Variants in ZC3HAV1 observed in about 807,000 individuals in gnomAD.
ZC3HAV1 encodes zinc finger CCCH-type antiviral protein 1.
A neutral mutation model predicts 86.6 loss-of-function variants in ZC3HAV1; 41 were observed. The ratio of observed to expected loss-of-function variants is 0.47; its 90% CI spans 0.37 to 0.61. ZC3HAV1 has a LOEUF of 0.61. ZC3HAV1 is among the 20% of genes least tolerant of loss of function. The pLI is 0.00. For missense variants in ZC3HAV1, 964 were observed against 1,141.1 expected, an observed-to-expected ratio of 0.84 and a Z score of 2.24; for synonymous variants, 421 against 432.1, an observed-to-expected ratio of 0.97 and a Z score of 0.32.
chr7:139,064,364 G>A (rs1001310397), intron 8 of ZC3HAV1, among the ~76,000 whole-genome samples: 1 of 152,234 alleles, frequency 6.6e-6, no homozygotes, highest in Non-Finnish European at 1.5e-5. Context: ...CAGCTCACCA[G>A]AAGACCTTTC....
At chr7:139,103,531 A>G (rs1817839560) in intron 1 of ZC3HAV1, among the ~76,000 whole-genome samples, 1 of 152,268 alleles carries the variant, frequency 6.6e-6, no homozygotes, top group South Asian at 2.1e-4. Context: ...ACTCAGACAT[A>G]TAAGTATAAA....
At position 139,108,985 on chromosome 7, in the gene ZC3HAV1, A is replaced by T; in HGVS notation, c.308+39T>A. ...CCCGCCTGGACAGTCCACCCCGACC[A>T]CGGCTGCGGACAGCGCCCCTCCCTC... is the stretch of plus-strand genomic sequence containing the variant. On this transcript the variant is annotated intron_variant, in intron 1 of 12. Coordinates refer to ENST00000242351, the MANE Select transcript of ZC3HAV1 (RefSeq NM_020119.4). This position sits in a 1 kb window ranked among gnomAD's most constrained non-coding sequence, Gnocchi z 4.2. The T allele has an allele frequency of 6.6e-7, 1 of 1,505,092 alleles. No individual in the cohort carries two copies. The highest frequency in any genetic ancestry group is 8.9e-7 in the Non-Finnish European group (1 of 1,117,448). 93.2% of individuals were successfully genotyped at this position (1,505,092 alleles called of 1,614,324 possible).
In ZC3HAV1 at chr7:139,108,396, G is replaced by A. The variant is rs1436607494; in HGVS notation, c.308+628C>T. 2.0e-5 allele frequency among the ~76,000 whole-genome samples: 3 copies of A among 152,126 alleles called. No individual in the cohort carries two copies. Among genetic ancestry groups the A allele is most frequent in the African/African-American group, 7.2e-5 (3 of 41,424 alleles). ...TCAACTGCGCGCGCCACCGTAGAGA[G>A]ACCACCCGGAGGGAAGGCCCGCGGC... On this transcript the variant is annotated intron_variant, in intron 1 of 12. Coordinates refer to ENST00000242351, the MANE Select transcript of ZC3HAV1 (RefSeq NM_020119.4). The surrounding 1 kb of genome is among the most constrained non-coding windows in gnomAD (Gnocchi z 4.2).
Position 139,079,638 on chromosome 7 carries a change from C to T in ZC3HAV1, c.1303G>A (p.Val435Met). Residue 435 changes from valine (V) to methionine (M), a missense_variant, in exon 4 of 13, where the codon GTG (valine) becomes ATG (methionine). Val to Met is a conservative substitution (Grantham distance 21). Transcript: ENST00000242351. The stretch of plus-strand genomic sequence containing the variant: ...CTGGTAGAAGTTATATCTGTGGCCA[C>T]TCCATCAGCATTATTATTAAAAAGA... ...GPLFNNNADG[V>M]ATDITSTRSL... The T allele has an allele frequency of 6.2e-7, 1 of 1,614,174 alleles. No homozygotes were observed. The highest frequency in any genetic ancestry group is 8.5e-7 in the Non-Finnish European group (1 of 1,180,046).
intron 8 of ZC3HAV1, among the ~76,000 whole-genome samples, chr7:139,063,715 C>A (rs528941022): frequency 9.2e-5 from 13 of 140,648 alleles, no homozygotes; most frequent in African/African-American, 3.5e-4. Context: ...TGGCGTGGGA[C>A]CCTGTCTCAA....
chr7:139,101,845 C>T (rs140780023), intron 1 of ZC3HAV1, among the ~76,000 whole-genome samples: 3 of 151,824 alleles, frequency 2.0e-5, no homozygotes, highest in African/African-American at 7.3e-5. Context: ...TCCCTAATCT[C>T]AAGTACCCAG....
chr7:139,097,428 A>ATATATATATATATTTTTTTTT, intron 1 of ZC3HAV1, among the ~76,000 whole-genome samples: 1 of 48,160 alleles, frequency 2.1e-5, no homozygotes, highest in Non-Finnish European at 3.3e-5. Context: ...ATATATATAT[A>ATATATATATATATTTTTTTTT]TTTTTTTTTT....
At chr7:139,068,037 T>C (rs1207203192) in intron 7 of ZC3HAV1, among the ~76,000 whole-genome samples, 1 of 83,888 alleles carries the variant, frequency 1.2e-5, no homozygotes, top group East Asian at 5.8e-4. Flanking sequence ...ATTATTATTA[T>C]TATTATTATT....
chr7:139,102,120 TA>T (rs1165674265), intron 1 of ZC3HAV1, among the ~76,000 whole-genome samples: 4 of 152,170 alleles, frequency 2.6e-5, no homozygotes, highest in Non-Finnish European at 5.9e-5. Context: ...AGCAAATACT[TA>T]AAACAATATC....
chr7:139,051,174 CA>C (rs1245288692), intron 12 of ZC3HAV1, among the ~76,000 whole-genome samples: 1 of 151,840 alleles, frequency 6.6e-6, no homozygotes, highest in Admixed American at 6.6e-5. Context: ...TATCCTGCCT[CA>C]GCCTCCCAAG....
Position 139,055,245 on chromosome 7 carries a change from G to A in ZC3HAV1, c.2147C>T (p.Pro716Leu), listed in dbSNP as rs771785741. The A allele has an allele frequency of 5.1e-5, 83 of 1,613,166 alleles. No individual in the cohort carries two copies. Among genetic ancestry groups the A allele is most frequent in the Non-Finnish European group, 6.9e-5 (81 of 1,179,554 alleles). Residue 716 changes from proline (P) to leucine (L), a missense_variant, in exon 10 of 13, where the codon CCT becomes CTT. Transcript: ENST00000242351. ...GGATAGGAAGCAAAAGTCCTCCTGA[G>A]GACGAAAGGTCGCAGTTAAAGACAC... Reference protein sequence around the residue: ...SSVSLTATFRPQEDFCFLSSK... With the variant: ...SSVSLTATFRLQEDFCFLSSK...
chr7:139,071,185 C>T (rs1486513778), intron 7 of ZC3HAV1, among the ~76,000 whole-genome samples: 1 of 151,504 alleles, frequency 6.6e-6, no homozygotes, highest in African/African-American at 2.4e-5. Flanking sequence ...CAACCCCTAC[C>T]TCCTTGGTTC....
At chr7:139,096,093 C>A (rs1409208424) in intron 1 of ZC3HAV1, among the ~76,000 whole-genome samples, 1 of 152,146 alleles carries the variant, frequency 6.6e-6, no homozygotes, top group African/African-American at 2.4e-5. Flanking sequence ...CAGCTCACCG[C>A]AACCTCCGCC....
intron 1 of ZC3HAV1, among the ~76,000 whole-genome samples, chr7:139,097,422 A>ATTTTTTTTTTTTTTTTTTTTTTTTT (rs1563140647): frequency 2.5e-5 from 2 of 79,522 alleles, no homozygotes; most frequent in Non-Finnish European, 4.3e-5. Flanking sequence ...ATATATATAT[A>ATTTTTTTTTTTTTTTTTTTTTTTTT]TATATATTTT....
intron 2 of ZC3HAV1, 26 bp from the exon 3 acceptor site, chr7:139,084,058 G>A (rs1207191869): frequency 2.5e-6 from 4 of 1,604,264 alleles, no homozygotes; most frequent in Admixed American, 1.7e-5. Context: ...ACAACAGCCA[G>A]AGTCAAAACA....
At chr7:139,091,103 C>A (rs1817416759) in intron 1 of ZC3HAV1, among the ~76,000 whole-genome samples, 3 of 152,160 alleles carry the variant, frequency 2.0e-5, no homozygotes, top group Non-Finnish European at 2.9e-5. Context: ...GATAACCAGT[C>A]CCCGCCAGCC....
At chr7:139,091,589 T>C (rs1817437388) in intron 1 of ZC3HAV1, among the ~76,000 whole-genome samples, 1 of 152,222 alleles carries the variant, frequency 6.6e-6, no homozygotes, top group Non-Finnish European at 1.5e-5. Flanking sequence ...TACCTCATTG[T>C]TCTGACGGCC....
chr7:139,084,112 T>C, intron 2 of ZC3HAV1, 80 bp from the exon 3 acceptor site: 1 of 1,545,098 alleles, frequency 6.5e-7, no homozygotes, highest in Admixed American at 1.9e-5. Flanking sequence ...AGCTCACGTG[T>C]GCAAAAATCT....
intron 1 of ZC3HAV1, among the ~76,000 whole-genome samples, chr7:139,105,279 A>G (rs976105921): frequency 2.6e-5 from 4 of 152,088 alleles, no homozygotes; most frequent in African/African-American, 9.7e-5. Flanking sequence ...GCTTCTAGTT[A>G]TGTTACTTTC....
Sources: gnomAD v4.1 joint callset for allele counts (sites outside exome capture counted in the v4.1 genomes callset) on GRCh38, gnomAD v4.1.1 for gene constraint, Gnocchi (gnomAD v3.1) non-coding constraint, MANE v1.5 for transcripts, NCBI Gene and HGNC (gene_info 2026-07-23, HGNC 2026-07-21) for gene names.